Variants in TCERG1L observed in about 807,000 individuals in gnomAD.
The protein encoded by TCERG1L is transcription elongation regulator 1 like.
TCERG1L carries 37 observed loss-of-function variants against 56.3 expected under a neutral mutation model. That is an observed-to-expected ratio of 0.66 (90% CI 0.51 to 0.87). The LOEUF (loss-of-function observed/expected upper bound fraction) is 0.87, where lower values mean the gene tolerates loss of function less well. Among genes scored for constraint, TCERG1L ranks in the 40% least tolerant of loss-of-function variants. The probability of loss-of-function intolerance (pLI) is 0.00; values close to 1 mark genes in which losing one functional copy is unlikely to be tolerated. For synonymous variants in TCERG1L, 324 were observed against 326.3 expected (o/e 0.99, Z 0.08); for missense variants, 799 against 774.2 (o/e 1.03, Z -0.38).
chr10:131,266,701 CAGCAGAGAGGGT>C (rs1274764934), intron 3 of TCERG1L, among the ~76,000 whole-genome samples: 1 of 152,164 alleles, frequency 6.6e-6, no homozygotes, highest in Non-Finnish European at 1.5e-5. Context: ...GTTCAGCTCT[CAGCAGAGAGGGT>C]AGCTTCTGCT....
At chr10:131,246,918 G>A (rs141924355) in intron 4 of TCERG1L, among the ~76,000 whole-genome samples, 4 of 152,258 alleles carry the variant, frequency 2.6e-5, no homozygotes, top group African/African-American at 4.8e-5. Context: ...TCTCGCCCAC[G>A]ACGCCGGCGC....
intron 7 of TCERG1L, among the ~76,000 whole-genome samples, chr10:131,139,811 T>G (rs1418109697): frequency 6.6e-6 from 1 of 151,854 alleles, no homozygotes; most frequent in East Asian, 1.9e-4. Flanking sequence ...TGTGCGTATA[T>G]GTGTGTGTAT....
At position 131,246,904 on chromosome 10, in the gene TCERG1L, G is replaced by A. The variant is rs570920950; in HGVS notation, c.856+13355C>T. Among the ~76,000 whole-genome samples the A allele has an allele frequency of 5.3e-5, 8 of 152,230 alleles. No homozygotes were observed. The East Asian group carries it at 5.8e-4, about 11-fold the overall frequency. ...TCAGAGTTCAAACCAAATAGCAGGC[G>A]CCCTCTCGCCCACGACGCCGGCGCT... is the stretch of plus-strand genomic sequence containing the variant. On this transcript the variant is annotated intron_variant, in intron 4 of 11. Transcript: ENST00000368642.
chr10:131,148,766 T>G (rs888056782), intron 6 of TCERG1L, among the ~76,000 whole-genome samples: 27 of 152,172 alleles, frequency 1.8e-4, no homozygotes, highest in African/African-American at 6.5e-4. Flanking sequence ...TCCAGAAGGA[T>G]CCAGCCCTGC....
intron 3 of TCERG1L, among the ~76,000 whole-genome samples, chr10:131,274,791 C>T (rs1049330040): frequency 6.6e-6 from 1 of 152,294 alleles, no homozygotes. Flanking sequence ...CGTGTGACAC[C>T]GTCCCTTGGC....
At chr10:131,132,178 G>C (rs1168990346) in intron 8 of TCERG1L, among the ~76,000 whole-genome samples, 8 of 152,190 alleles carry the variant, frequency 5.3e-5, no homozygotes. Context: ...GAATGCGCAG[G>C]ACGGGATGGG....
chr10:131,163,328 G>C, intron 5 of TCERG1L, 118 bp from the exon 6 acceptor site: 1 of 786,288 alleles, frequency 1.3e-6, no homozygotes, highest in Non-Finnish European at 1.9e-6. Context: ...TAGTAGCCAC[G>C]AGATAATGAC....
At chr10:131,302,080 T>C (rs1846767704) in intron 3 of TCERG1L, among the ~76,000 whole-genome samples, 2 of 152,106 alleles carry the variant, frequency 1.3e-5, no homozygotes, top group Admixed American at 6.5e-5. Flanking sequence ...AAGAACATCT[T>C]TTCCATACTA....
intron 3 of TCERG1L, among the ~76,000 whole-genome samples, chr10:131,303,839 G>C (rs1198784947): frequency 1.3e-5 from 2 of 151,994 alleles, no homozygotes; most frequent in Non-Finnish European, 2.9e-5. Flanking sequence ...TCTCTTTCGA[G>C]TTTATCTTTT....
chr10:131,185,806 CAA>C (rs1410711412), intron 4 of TCERG1L, among the ~76,000 whole-genome samples: 1 of 152,112 alleles, frequency 6.6e-6, no homozygotes, highest in Non-Finnish European at 1.5e-5. Flanking sequence ...AGAAAACAGT[CAA>C]AAAGTCAAAC....
At chr10:131,201,360 G>A (rs2133474316) in intron 4 of TCERG1L, among the ~76,000 whole-genome samples, 1 of 152,300 alleles carries the variant, frequency 6.6e-6, no homozygotes, top group South Asian at 2.1e-4. Context: ...ACAGACAGCA[G>A]CCTTCCTGAG....
At chr10:131,132,838 G>A (rs538381899) in intron 8 of TCERG1L, among the ~76,000 whole-genome samples, 2 of 152,290 alleles carry the variant, frequency 1.3e-5, no homozygotes, top group African/African-American at 4.8e-5. Flanking sequence ...GGAGATTGTG[G>A]GTGGGAGGCG....
chr10:131,240,055 C>T (rs568809568), intron 4 of TCERG1L, among the ~76,000 whole-genome samples: 2 of 152,270 alleles, frequency 1.3e-5, no homozygotes, highest in East Asian at 1.9e-4. Flanking sequence ...CCCTGGACCC[C>T]GCTGACTGTG....
chr10:131,155,585 C>G (rs557422513), intron 6 of TCERG1L, among the ~76,000 whole-genome samples: 1 of 152,216 alleles, frequency 6.6e-6, no homozygotes, highest in Non-Finnish European at 1.5e-5. Context: ...CAGCAGTGTC[C>G]CAGCTTTCCT....
chr10:131,129,700 T>C (rs1463008062), intron 8 of TCERG1L, among the ~76,000 whole-genome samples: 2 of 152,224 alleles, frequency 1.3e-5, no homozygotes, highest in East Asian at 1.9e-4. Context: ...ACTCGTCTCC[T>C]GGGACCTTTT....
chr10:131,110,057 G>C (rs1845395473), intron 9 of TCERG1L, among the ~76,000 whole-genome samples: 1 of 152,214 alleles, frequency 6.6e-6, no homozygotes, highest in African/African-American at 2.4e-5. Flanking sequence ...CATCTCGCTG[G>C]AGAGTGGACA....
At chr10:131,178,603 A>G (rs1042984206) in intron 4 of TCERG1L, among the ~76,000 whole-genome samples, 2 of 152,094 alleles carry the variant, frequency 1.3e-5, no homozygotes, top group African/African-American at 4.8e-5. Context: ...CTGGGTGTGG[A>G]GACCTTCATT....
chr10:131,143,450 C>T (rs1845759436), intron 7 of TCERG1L, among the ~76,000 whole-genome samples: 1 of 152,116 alleles, frequency 6.6e-6, no homozygotes, highest in Non-Finnish European at 1.5e-5. Flanking sequence ...AGAGGAAGAA[C>T]TCGAGGGCCC....
intron 8 of TCERG1L, among the ~76,000 whole-genome samples, chr10:131,129,053 TA>T (rs1194946715): frequency 2.0e-5 from 3 of 152,204 alleles, no homozygotes; most frequent in East Asian, 3.9e-4. Context: ...GCAACATTTG[TA>T]AAAAATCTCT....
Sources: gnomAD v4.1 joint callset for allele counts (sites outside exome capture counted in the v4.1 genomes callset) on GRCh38, gnomAD v4.1.1 for gene constraint, MANE v1.5 for transcripts, NCBI Gene and HGNC (gene_info 2026-07-23, HGNC 2026-07-21) for gene names.